PTPRD: variants seen among roughly 807,000 people sequenced by gnomAD.
PTPRD encodes the protein protein tyrosine phosphatase receptor type D, also known as receptor-type tyrosine-protein phosphatase delta.
Under a neutral mutation model 214.5 loss-of-function variants are expected in PTPRD, and 34 were observed. The ratio of observed to expected loss-of-function variants is 0.16; its 90% CI spans 0.12 to 0.21. The LOEUF is 0.21. PTPRD is among the 10% of genes least tolerant of loss of function. The pLI, the probability that PTPRD is intolerant of heterozygous loss-of-function variation, is 1.00. For missense variants in PTPRD, 2,545 were observed against 2,398.7 expected (o/e 1.06, Z -1.27); for synonymous variants, 1,128 against 845.7 (o/e 1.33, Z -5.79).
At chr9:9,358,592 T>C (rs980668566) in intron 9 of PTPRD, among the ~76,000 whole-genome samples, 3 of 151,268 alleles carry the variant, frequency 2.0e-5, no homozygotes, top group Non-Finnish European at 3.0e-5. Flanking sequence ...TTGCTAACTA[T>C]GCCAATAGTC....
At chr9:10,525,646 T>A (rs896500882) in intron 2 of PTPRD, among the ~76,000 whole-genome samples, 1 of 151,832 alleles carries the variant, frequency 6.6e-6, no homozygotes, top group Non-Finnish European at 1.5e-5. Flanking sequence ...AAATTATGAA[T>A]AAAAATATTC....
chr9:9,804,099 T>C (rs573545164), intron 5 of PTPRD, among the ~76,000 whole-genome samples: 1 of 152,252 alleles, frequency 6.6e-6, no homozygotes, highest in South Asian at 2.1e-4. Context: ...CTGATGGCTG[T>C]TTTTGATCAG....
intron 2 of PTPRD, among the ~76,000 whole-genome samples, chr9:10,594,892 T>C (rs2076274044): frequency 6.6e-6 from 1 of 152,044 alleles, no homozygotes. Context: ...AGTTATGGAA[T>C]CATTTGCACT....
rs865889170 is a variant in PTPRD at position 10,549,563 on chromosome 9, A to G, written c.-600+62835T>C. ...ACGTAGCAATATAAGAGTCAGGCTGAGAACTACAGAGAGAACTTGACACAG... is the reference window on the plus strand; with the variant it reads ...ACGTAGCAATATAAGAGTCAGGCTGGGAACTACAGAGAGAACTTGACACAG... On this transcript the variant is annotated intron_variant, in intron 2 of 45. Coordinates refer to ENST00000381196, the MANE Select transcript of PTPRD (RefSeq NM_002839.4). Among the ~76,000 whole-genome samples the G allele has an allele frequency of 4.6e-5, 7 of 152,266 alleles. No individual in the cohort carries two copies. The South Asian group carries it at 1.5e-3, about 32-fold the overall frequency.
intron 12 of PTPRD, among the ~76,000 whole-genome samples, chr9:8,687,156 A>G (rs1175759003): frequency 6.6e-6 from 1 of 152,206 alleles, no homozygotes; most frequent in Non-Finnish European, 1.5e-5. Flanking sequence ...TTGTTTGCTA[A>G]ATCAAATTCA....
At chr9:9,484,627 T>C (rs1295382072) in intron 8 of PTPRD, among the ~76,000 whole-genome samples, 3 of 152,186 alleles carry the variant, frequency 2.0e-5, no homozygotes, top group African/African-American at 7.2e-5. Context: ...TATACATTAT[T>C]TCATTTAATC....
chr9:9,645,691 TTTC>T (rs1243536925), intron 7 of PTPRD, among the ~76,000 whole-genome samples: 1 of 151,984 alleles, frequency 6.6e-6, no homozygotes, highest in East Asian at 1.9e-4. Context: ...TTCTTTCATT[TTTC>T]TTATTTCACT....
At chr9:9,709,078 A>G (rs2097679029) in intron 7 of PTPRD, among the ~76,000 whole-genome samples, 2 of 151,966 alleles carry the variant, frequency 1.3e-5, no homozygotes, top group South Asian at 4.1e-4. Context: ...CTTATAAAAC[A>G]TTTTCTTACT....
chr9:8,716,594 G>T (rs888228600), intron 12 of PTPRD, among the ~76,000 whole-genome samples: 8 of 131,504 alleles, frequency 6.1e-5, no homozygotes. Flanking sequence ...CCATCCCAAA[G>T]ATGTACTTCC....
intron 9 of PTPRD, among the ~76,000 whole-genome samples, chr9:9,378,143 A>G (rs2061290261): frequency 6.6e-6 from 1 of 152,122 alleles, no homozygotes; most frequent in South Asian, 2.1e-4. Flanking sequence ...TTATGGATGT[A>G]TATTACAGAG....
At chr9:10,092,716 T>C (rs1020435801) in intron 3 of PTPRD, among the ~76,000 whole-genome samples, 1 of 151,410 alleles carries the variant, frequency 6.6e-6, no homozygotes, top group East Asian at 1.9e-4. Context: ...TATAAAGATA[T>C]AGTAACCAAA....
intron 10 of PTPRD, among the ~76,000 whole-genome samples, chr9:9,135,508 G>A (rs1471164618): frequency 2.6e-5 from 4 of 151,812 alleles, no homozygotes; most frequent in Admixed American, 2.6e-4. Context: ...AATTCTCATT[G>A]CAAGAGTTAG....
At chr9:10,369,487 G>T (rs1217316028) in intron 2 of PTPRD, among the ~76,000 whole-genome samples, 1 of 151,932 alleles carries the variant, frequency 6.6e-6, no homozygotes, top group African/African-American at 2.4e-5. Context: ...AGCCACAATT[G>T]TAATAGCAAG....
chr9:9,371,222 G>T (rs1305322176), intron 9 of PTPRD, among the ~76,000 whole-genome samples: 5 of 152,064 alleles, frequency 3.3e-5, no homozygotes, highest in Non-Finnish European at 7.4e-5. Context: ...GTAGAATTCG[G>T]CTGTGAATCC....
chr9:9,937,007 T>C (rs1334319067), intron 5 of PTPRD, among the ~76,000 whole-genome samples: 2 of 151,632 alleles, frequency 1.3e-5, no homozygotes, highest in Non-Finnish European at 2.9e-5. Context: ...TTCTCACTCA[T>C]AGGTGGGAAT....
intron 11 of PTPRD, among the ~76,000 whole-genome samples, chr9:8,940,280 C>CCTTTGTT (rs763715400): frequency 0.49 from 43,164 of 88,576 alleles, 11,126 homozygotes; most frequent in South Asian, 0.66. Flanking sequence ...TCTCTCTCTC[C>CCTTTGTT]TTTTTTTTTT....
At chr9:10,243,956 G>C (rs1173751157) in intron 3 of PTPRD, among the ~76,000 whole-genome samples, 2 of 151,942 alleles carry the variant, frequency 1.3e-5, no homozygotes, top group African/African-American at 4.8e-5. Context: ...ATAACACTAG[G>C]TAAATTAACC....
intron 11 of PTPRD, among the ~76,000 whole-genome samples, chr9:8,935,276 A>G (rs1419017567): frequency 6.6e-6 from 1 of 152,222 alleles, no homozygotes; most frequent in Non-Finnish European, 1.5e-5. Flanking sequence ...CAAAATCAGT[A>G]TTAAAAATCA....
chr9:9,107,950 T>A (rs1287562641), intron 10 of PTPRD, among the ~76,000 whole-genome samples: 1 of 152,178 alleles, frequency 6.6e-6, no homozygotes. Context: ...TTTTTACACA[T>A]GACAAATGTT....
Sources: gnomAD v4.1 joint callset for allele counts (sites outside exome capture counted in the v4.1 genomes callset) on GRCh38, gnomAD v4.1.1 for gene constraint, MANE v1.5 for transcripts, NCBI Gene and HGNC (gene_info 2026-07-23, HGNC 2026-07-21) for gene names.